Variants in TRPM1 observed in about 807,000 individuals in gnomAD.
TRPM1 encodes the protein TRPM1-203 APA Isoform, Intron 10.
In TRPM1, 113 loss-of-function variants were observed where a neutral mutation model predicts 149.4. The observed-to-expected ratio is 0.76, with a 90% CI of 0.65 to 0.88. The LOEUF (loss-of-function observed/expected upper bound fraction) is 0.88, where lower values mean the gene tolerates loss of function less well. Among genes scored for constraint, TRPM1 ranks in the 40% least tolerant of loss-of-function variants. The pLI, the probability that TRPM1 is intolerant of heterozygous loss-of-function variation, is 0.00. For missense variants in TRPM1, 1,976 were observed against 2,038.7 expected (o/e 0.97, Z 0.59); for synonymous variants, 741 against 759.5 (o/e 0.98, Z 0.40).
intron 27 of TRPM1, among the ~76,000 whole-genome samples, chr15:31,019,746 A>G (rs2032493028): frequency 6.6e-6 from 1 of 151,360 alleles, no homozygotes; most frequent in Admixed American, 6.6e-5. Flanking sequence ...CATGTTGACC[A>G]GGTTGGTCTT....
At chr15:31,027,968 G>A (rs2032864767) in intron 25 of TRPM1, among the ~76,000 whole-genome samples, 1 of 152,064 alleles carries the variant, frequency 6.6e-6, no homozygotes, top group Non-Finnish European at 1.5e-5. Context: ...AATTGTAACA[G>A]CTTATGAAAC....
Position 31,002,171 on chromosome 15 carries a change from A to G in TRPM1, c.4529T>C (p.Ile1510Thr). ...TRSHSTDIPY[I>T]VSEAAVQAEH... is the part of the protein sequence containing the mutation. Reference sequence around the variant, plus strand: ...AGCTTGCACTGCAGCTTCCGACACAATGTAAGGAATATCTGTGCTATGAGA... The same window carrying G: ...AGCTTGCACTGCAGCTTCCGACACAGTGTAAGGAATATCTGTGCTATGAGA... The change falls in exon 28 of 28, where the codon ATT becomes ACT. Residue 1510 changes from isoleucine (I) to threonine (T), a missense_variant. Ile to Thr is a moderately conservative substitution (Grantham distance 89). Around this residue, in one of 3 missense-constraint regions of TRPM1, gnomAD observed 572 missense variants for 578.9 expected, o/e 0.99. Coordinates refer to ENST00000256552, the MANE Select transcript of TRPM1 (RefSeq NM_001252024.2). 1 of 1,614,228 alleles carries G rather than the reference A, an allele frequency of 6.2e-7. No homozygotes were observed. The highest frequency in any genetic ancestry group is 8.5e-7 in the Non-Finnish European group (1 of 1,180,048).
At chr15:31,112,385 G>C (rs1393531580) in intron 1 of TRPM1, among the ~76,000 whole-genome samples, 1 of 152,184 alleles carries the variant, frequency 6.6e-6, no homozygotes, top group African/African-American at 2.4e-5. Context: ...GGCTGAAGCA[G>C]GAGACTTGCT....
rs182474293 is a variant in TRPM1, at chr15:31,113,086, C to T, written c.55-36102G>A. 1.9e-4 allele frequency among the ~76,000 whole-genome samples: 29 copies of T among 152,242 alleles called. No individual in the cohort carries two copies. The East Asian group carries it at 5.6e-3, about 29-fold the overall frequency. On this transcript the variant is annotated intron_variant, in intron 1 of 26. Transcript: ENST00000542188. ...GGAGCAGGTTCCTGACAGTAGAACC[C>T]CTGTCCAGGGCTGCTGTCTTGGCTT...
At chr15:31,147,699 C>T (rs554742391) in intron 1 of TRPM1, among the ~76,000 whole-genome samples, 10 of 152,320 alleles carry the variant, frequency 6.6e-5, no homozygotes, top group African/African-American at 1.7e-4. Flanking sequence ...TGGTACCACT[C>T]GGGGTAACTT....
intron 27 of TRPM1, among the ~76,000 whole-genome samples, chr15:31,011,867 T>C (rs1413742651): frequency 6.6e-6 from 1 of 152,188 alleles, no homozygotes; most frequent in East Asian, 1.9e-4. Flanking sequence ...TTTCACTATG[T>C]TGGCCAGGCT....
In TRPM1 at chr15:31,126,967, A is replaced by AAAACAAACAAACAAACAAAC. The variant is rs71420550; in HGVS notation, c.54+33919_54+33938dup. Among the ~76,000 whole-genome samples, 841 of 150,678 alleles carry AAAACAAACAAACAAACAAAC rather than the reference A, an allele frequency of 5.6e-3. 4 individuals carry two copies. Among genetic ancestry groups the AAAACAAACAAACAAACAAAC allele is most frequent in the African/African-American group, 7.2e-3 (296 of 40,894 alleles). ...AGACGACAGAGTGAGATCCTGTCTC[A>AAAACAAACAAACAAACAAAC]AAACAAACAAACAAACAAACAAACA... On this transcript the variant is annotated intron_variant, in intron 1 of 26. Transcript: ENST00000542188.
At position 31,001,826 on chromosome 15, in the gene TRPM1, C is replaced by A. The variant is rs2031772867; in HGVS notation, c.4874G>T (p.Cys1625Phe). 6.2e-7 allele frequency: 1 copy of A among 1,610,750 alleles called. No homozygotes were observed. The highest frequency in any genetic ancestry group is 1.1e-5 in the South Asian group (1 of 90,602). Residue 1625 changes from cysteine (C) to phenylalanine (F), a missense_variant, in exon 28 of 28, where the codon TGC (cysteine) becomes TTC (phenylalanine). Coordinates refer to ENST00000256552, the MANE Select transcript of TRPM1 (RefSeq NM_001252024.2). The stretch of plus-strand genomic sequence containing the variant: ...AAATTAAAGAAACAAAACAGACTAG[C>A]ATTCAGTTTCTGTGGAAGCTTTCTC... ...KKEKASTETE[C>F]
Position 31,035,526 on chromosome 15 carries a change from G to A in TRPM1, c.2700+20C>T. On this transcript the variant is annotated intron_variant, in intron 21 of 27. Coordinates refer to ENST00000256552, the MANE Select transcript of TRPM1 (RefSeq NM_001252024.2). ...GCAGTCAGCGGTTAGTGGGCTGGGG[G>A]AGGCCTTTGGAGTAGCCACCTCTCG... The A allele has an allele frequency of 6.2e-7, 1 of 1,614,016 alleles. No homozygotes were observed. The highest frequency in any genetic ancestry group is 8.5e-7 in the Non-Finnish European group (1 of 1,179,982).
intron 1 of TRPM1, 79 bp from the exon 2 acceptor site, chr15:31,081,517 C>T: frequency 1.1e-6 from 1 of 939,470 alleles, no homozygotes; most frequent in Admixed American, 2.2e-5. Flanking sequence ...CAAATCCTGC[C>T]CTCCCTTTGT....
chr15:31,150,512 C>T (rs2036286352), intron 1 of TRPM1, among the ~76,000 whole-genome samples: 1 of 146,422 alleles, frequency 6.8e-6, no homozygotes, highest in Non-Finnish European at 1.5e-5. Flanking sequence ...TCTCAGCTCA[C>T]TGCAATCTCT....
chr15:31,102,911 T>C (rs1230893245), upstream of TRPM1, among the ~76,000 whole-genome samples: 3 of 152,176 alleles, frequency 2.0e-5, no homozygotes, highest in African/African-American at 4.8e-5. Context: ...CTTGAACTGG[T>C]GTTGGCTCCT....
intron 27 of TRPM1, among the ~76,000 whole-genome samples, chr15:31,007,769 G>A (rs1192408218): frequency 6.6e-6 from 1 of 152,192 alleles, no homozygotes; most frequent in African/African-American, 2.4e-5. Context: ...ATAAACTTGG[G>A]GAGAACTGAC....
chr15:31,113,863 T>G (rs538911602), intron 1 of TRPM1, among the ~76,000 whole-genome samples: 1 of 152,186 alleles, frequency 6.6e-6, no homozygotes, highest in Admixed American at 6.5e-5. Context: ...TCCCACACGC[T>G]GGAAGGGTAC....
At chr15:31,141,840 A>G (rs557229575) in intron 1 of TRPM1, among the ~76,000 whole-genome samples, 132 of 152,324 alleles carry the variant, frequency 8.7e-4, no homozygotes, top group African/African-American at 3.0e-3. Context: ...TCTATTAATG[A>G]ATCCAGGAAT....
chr15:31,153,350 A>C (rs570083652), intron 1 of TRPM1, among the ~76,000 whole-genome samples: 4 of 152,268 alleles, frequency 2.6e-5, no homozygotes, highest in African/African-American at 9.6e-5. Context: ...TTTTAGATGG[A>C]GTCTCACTTT....
At chr15:31,091,870 T>G (rs1329829642) in intron 1 of TRPM1, among the ~76,000 whole-genome samples, 2 of 152,142 alleles carry the variant, frequency 1.3e-5, no homozygotes, top group Non-Finnish European at 2.9e-5. Context: ...TCTTCAAAAG[T>G]TCAGTGGGGC....
At chr15:31,126,372 C>A (rs900987831) in intron 1 of TRPM1, among the ~76,000 whole-genome samples, 3 of 152,134 alleles carry the variant, frequency 2.0e-5, no homozygotes, top group Admixed American at 1.3e-4. Context: ...TGCGAAACTC[C>A]CGTGGGGATG....
At chr15:31,028,498 G>T in intron 24 of TRPM1, 22 bp from the exon 25 acceptor site, 2 of 1,613,334 alleles carry the variant, frequency 1.2e-6, no homozygotes, top group Non-Finnish European at 1.7e-6. Context: ...AAATAGTTTT[G>T]TCTTTGCTTT....
Sources: gnomAD v4.1 joint callset for allele counts (sites outside exome capture counted in the v4.1 genomes callset) on GRCh38, gnomAD v4.1.1 for gene constraint, gnomAD v4.1.1 regional missense constraint, MANE v1.5 for transcripts, NCBI Gene and HGNC (gene_info 2026-07-23, HGNC 2026-07-21) for gene names.